The following CTNND2 variants were observed in gnomAD, a reference collection of about 807,000 sequenced individuals.
CTNND2 encodes catenin delta 2.
Under a neutral mutation model 144.4 loss-of-function variants are expected in CTNND2, and 22 were observed. That is an observed-to-expected ratio of 0.15 (90% confidence interval 0.11 to 0.22). The LOEUF is 0.22. Among genes scored for constraint, CTNND2 ranks in the 10% least tolerant of loss-of-function variants. CTNND2 has a pLI of 1.00. For synonymous variants in CTNND2, 751 were observed against 695.6 expected (o/e 1.08, Z -1.25); for missense variants, 1,353 against 1,618.8 (o/e 0.84, Z 2.82).
At chr5:11,118,600 A>G (rs1201271642) in intron 12 of CTNND2, among the ~76,000 whole-genome samples, 2 of 152,072 alleles carry the variant, frequency 1.3e-5, no homozygotes, top group East Asian at 1.9e-4. Context: ...TGATGTTGAG[A>G]ACTCAGACCC....
At chr5:11,103,937 C>CTGG (rs1752164131) in intron 14 of CTNND2, among the ~76,000 whole-genome samples, 1 of 152,214 alleles carries the variant, frequency 6.6e-6, no homozygotes, top group African/African-American at 2.4e-5. Flanking sequence ...CAACAAGGAG[C>CTGG]AGTCAGGGAG....
At chr5:10,989,348 G>C (rs1738408060) in intron 19 of CTNND2, among the ~76,000 whole-genome samples, 1 of 152,184 alleles carries the variant, frequency 6.6e-6, no homozygotes, top group South Asian at 2.1e-4. Context: ...GTGCTTCAGA[G>C]CCTTGTTTAC....
At position 11,110,933 on chromosome 5, in the gene CTNND2, G is replaced by A. The variant is rs754729457; in HGVS notation, c.2388C>T (p.Gly796=). ...GTDELDGLLC[G]EANGKDAESS... ...TCTCAGCATCCTTGCCATTGGCCTC[G>A]CCACAGAGTAGCCCGTCCAGCTCGT... The change falls in exon 14 of 22, where the codon GGC becomes GGT. Residue 796 remains glycine (G), a synonymous_variant. Coordinates refer to ENST00000304623, the MANE Select transcript of CTNND2 (RefSeq NM_001332.4). The A allele has an allele frequency of 4.3e-6, 7 of 1,614,018 alleles. No individual in the cohort carries two copies. The highest frequency in any genetic ancestry group is 5.1e-6 in the Non-Finnish European group (6 of 1,179,994).
rs188243463 is a variant in CTNND2 at position 11,842,576 on chromosome 5, G to A, written c.37+61241C>T. ...CTACTAAAAATACAAAAAATTAGCCGGGCACGGTGGCGGGCGCCTGTAGTC... is the reference window on the plus strand; with the variant it reads ...CTACTAAAAATACAAAAAATTAGCCAGGCACGGTGGCGGGCGCCTGTAGTC... On this transcript the variant is annotated intron_variant, in intron 1 of 21. Coordinates refer to ENST00000304623, the MANE Select transcript of CTNND2 (RefSeq NM_001332.4). Among the ~76,000 whole-genome samples the A allele has an allele frequency of 2.8e-3, 431 of 151,876 alleles. 2 individuals carry two copies. Among genetic ancestry groups the A allele is most frequent in the Non-Finnish European group, 5.1e-3 (344 of 67,950 alleles).
intron 3 of CTNND2, among the ~76,000 whole-genome samples, chr5:11,488,078 C>T (rs1406002660): frequency 6.6e-6 from 1 of 152,188 alleles, no homozygotes; most frequent in Non-Finnish European, 1.5e-5. Context: ...TGCGCAGCTA[C>T]AAAACCTCAT....
chr5:11,175,592 T>C, intron 11 of CTNND2, among the ~76,000 whole-genome samples: 1 of 152,032 alleles, frequency 6.6e-6, no homozygotes, highest in Non-Finnish European at 1.5e-5. Context: ...TTTTATCTGA[T>C]TGTGTATTGA....
At chr5:11,888,899 G>A (rs1251880791) in intron 1 of CTNND2, among the ~76,000 whole-genome samples, 2 of 151,892 alleles carry the variant, frequency 1.3e-5, no homozygotes, top group Non-Finnish European at 1.5e-5. Context: ...TTACAGGCAC[G>A]TACCACCATG....
At chr5:11,574,948 C>T (rs968361912) in intron 2 of CTNND2, among the ~76,000 whole-genome samples, 1 of 152,324 alleles carries the variant, frequency 6.6e-6, no homozygotes, top group Admixed American at 6.5e-5. Context: ...ATATCCATTT[C>T]CTCTTCTCTA....
chr5:11,888,288 A>G (rs1469792953), intron 1 of CTNND2, among the ~76,000 whole-genome samples: 1 of 152,216 alleles, frequency 6.6e-6, no homozygotes, highest in Admixed American at 6.5e-5. Flanking sequence ...CGACTAGGCT[A>G]AAAGACCCAG....
chr5:11,513,230 G>A (rs777920026), intron 3 of CTNND2, among the ~76,000 whole-genome samples: 1 of 152,098 alleles, frequency 6.6e-6, no homozygotes, highest in Non-Finnish European at 1.5e-5. Context: ...GCTGCAAGAC[G>A]GTGCATGGGC....
chr5:11,199,626 G>A lies in CTNND2; in HGVS notation c.1797C>T (p.Asp599=), dbSNP rs955635983. The A allele has an allele frequency of 8.1e-6, 13 of 1,614,154 alleles. No individual in the cohort carries two copies. In the South Asian group the frequency reaches 8.8e-5, roughly 11 times the overall value. ...RRQGGIQLLV[D]LLDHRMTEVH... is the part of the protein sequence containing the mutation. ...CTTCGGTCATCCGATGATCCAACAG[G>A]TCCACCAGGAGCTGGATGCCTCCTT... Residue 599 remains aspartate, a synonymous_variant, in exon 11 of 22, where the codon GAC becomes GAT. Transcript: ENST00000304623.
intron 15 of CTNND2, among the ~76,000 whole-genome samples, chr5:11,093,308 G>A (rs1411757119): frequency 7.2e-5 from 11 of 152,082 alleles, no homozygotes; most frequent in Admixed American, 5.2e-4. Flanking sequence ...AAGAACATTC[G>A]TTCACATTTT....
At chr5:11,414,650 G>C (rs1202796234) in intron 3 of CTNND2, among the ~76,000 whole-genome samples, 1 of 152,118 alleles carries the variant, frequency 6.6e-6, no homozygotes, top group African/African-American at 2.4e-5. Flanking sequence ...TTGTTACACA[G>C]GTAAACTCAT....
chr5:10,990,980 T>C (rs965371907), intron 19 of CTNND2, among the ~76,000 whole-genome samples: 3 of 152,238 alleles, frequency 2.0e-5, no homozygotes, highest in Admixed American at 2.0e-4. Flanking sequence ...ATCCATATGC[T>C]TTCCACACTC....
chr5:11,380,817 G>T (rs1265718723), intron 7 of CTNND2, among the ~76,000 whole-genome samples: 1 of 152,168 alleles, frequency 6.6e-6, no homozygotes, highest in Non-Finnish European at 1.5e-5. Context: ...GAAACCCTCA[G>T]ATAGAACTTC....
At chr5:11,879,354 T>TATACAC (rs1553988812) in intron 1 of CTNND2, among the ~76,000 whole-genome samples, 4 of 139,780 alleles carry the variant, frequency 2.9e-5, no homozygotes, top group African/African-American at 7.7e-5. Flanking sequence ...TATATATATA[T>TATACAC]ATACATATAC....
chr5:11,903,747 C>T lies in CTNND2; in HGVS notation c.37+70G>A. Reference sequence around the variant, plus strand: ...GGGAGCCCAGGACCACCCCCACCAGCGGCAAGAGGAGGAGGACGGCGCCGG... The same window carrying T: ...GGGAGCCCAGGACCACCCCCACCAGTGGCAAGAGGAGGAGGACGGCGCCGG... On this transcript the variant is annotated intron_variant, in intron 1 of 21. Coordinates refer to ENST00000304623, the MANE Select transcript of CTNND2 (RefSeq NM_001332.4). The surrounding 1 kb of genome is among the most constrained non-coding windows in gnomAD (Gnocchi z 5.4). 1 of 1,428,914 alleles carries T rather than the reference C, an allele frequency of 7.0e-7. No individual in the cohort carries two copies. Among genetic ancestry groups the T allele is most frequent in the Non-Finnish European group, 9.2e-7 (1 of 1,082,654 alleles). The allele number at this position is 1,428,914 out of a possible 1,614,324, so 88.5% of individuals were successfully genotyped here.
At chr5:11,641,095 A>G (rs1360099940) in intron 2 of CTNND2, among the ~76,000 whole-genome samples, 2 of 152,178 alleles carry the variant, frequency 1.3e-5, no homozygotes, top group African/African-American at 4.8e-5. Context: ...CCATGCGTGT[A>G]TTCAAGGTCG....
chr5:11,311,648 C>T (rs1162552873), intron 9 of CTNND2, among the ~76,000 whole-genome samples: 2 of 147,338 alleles, frequency 1.4e-5, no homozygotes, highest in African/African-American at 2.5e-5. Context: ...CTCACACTCC[C>T]GATATACCCT....
Sources: allele counts gnomAD v4.1 joint callset (sites outside exome capture counted in the v4.1 genomes callset), GRCh38; gene constraint gnomAD v4.1.1; non-coding constraint Gnocchi (gnomAD v3.1); transcripts MANE v1.5; gene names NCBI Gene and HGNC (gene_info 2026-07-23, HGNC 2026-07-21).